Variants in HPS3 observed in about 807,000 individuals in gnomAD.
HPS3 encodes HPS3 biogenesis of lysosomal organelles complex 2 subunit 1.
A neutral mutation model predicts 110.9 loss-of-function variants in HPS3; 79 were observed. That is an observed-to-expected ratio of 0.71 (90% CI 0.59 to 0.86). The LOEUF (loss-of-function observed/expected upper bound fraction) is 0.86, where lower values mean the gene tolerates loss of function less well. Ranked by LOEUF, HPS3 falls within the 40% of genes least tolerant of loss-of-function variation. HPS3 has a pLI of 0.00. For missense variants in HPS3, 1,197 were observed against 1,206.2 expected (o/e 0.99, Z 0.11); for synonymous variants, 428 against 451.0 (o/e 0.95, Z 0.65).
intron 1 of HPS3, among the ~76,000 whole-genome samples, chr3:149,137,598 TAAATA>T (rs1488533479): frequency 6.6e-6 from 1 of 152,192 alleles, no homozygotes; most frequent in African/African-American, 2.4e-5. Context: ...AGTAAATGAG[TAAATA>T]AAATATATTG....
intron 11 of HPS3, among the ~76,000 whole-genome samples, chr3:149,161,823 T>C (rs1427409662): frequency 1.3e-5 from 2 of 152,184 alleles, no homozygotes; most frequent in South Asian, 4.1e-4. Context: ...CCGAATATTT[T>C]TGATCTGTGG....
chr3:149,157,311 C>G (rs1263203556), intron 8 of HPS3, 39 bp from the exon 9 acceptor site: 1 of 1,557,806 alleles, frequency 6.4e-7, no homozygotes, highest in Non-Finnish European at 8.8e-7. Context: ...TTTTGAGAGT[C>G]TCTCTTCAGC....
At position 149,140,411 on chromosome 3, in the gene HPS3, G is replaced by T; in HGVS notation, c.625G>T (p.Val209Leu). Reference protein sequence around the residue: ...AVMSDLEVLIVKLESGPKNGE... With the variant: ...AVMSDLEVLILKLESGPKNGE... ...CATGTCAGACTTAGAAGTCTTAATC[G>T]TAAAACTGGAGTCAGGCCCTAAAAA... The change falls in exon 2 of 17, where the codon GTA becomes TTA. Residue 209 changes from valine (V) to leucine (L), a missense_variant. Coordinates refer to ENST00000296051, the MANE Select transcript of HPS3 (RefSeq NM_032383.5). The T allele has an allele frequency of 6.2e-7, 1 of 1,611,354 alleles. No individual in the cohort carries two copies. Among genetic ancestry groups the T allele is most frequent in the Non-Finnish European group, 8.5e-7 (1 of 1,178,866 alleles).
Position 149,140,347 on chromosome 3 carries a change from T to C in HPS3, c.561T>C (p.Thr187=), listed in dbSNP as rs1722365265. 1.2e-6 allele frequency: 2 copies of C among 1,611,724 alleles called. No homozygotes were observed. The highest frequency in any genetic ancestry group is 8.5e-7 in the Non-Finnish European group (1 of 1,178,440). ...RSLIIHIDNI[T]PVEVSFCVGY... ...TAATTATACACATAGATAATATCAC[T>C]CCTGTTGAGGTTTCTTTTTGTGTTG... is the stretch of plus-strand genomic sequence containing the variant. Residue 187 remains threonine (T), a synonymous_variant, in exon 2 of 17, where the codon ACT becomes ACC. Coordinates refer to ENST00000296051, the MANE Select transcript of HPS3 (RefSeq NM_032383.5).
At position 149,153,572 on chromosome 3, in the gene HPS3, A is replaced by G. The variant is rs1723265256; in HGVS notation, c.1324A>G (p.Lys442Glu). 5.6e-6 allele frequency: 9 copies of G among 1,614,120 alleles called. No homozygotes were observed. The highest frequency in any genetic ancestry group is 7.6e-6 in the Non-Finnish European group (9 of 1,179,940). Residue 442 changes from lysine (K) to glutamate (E), a missense_variant, in exon 7 of 17, where the codon AAA becomes GAA. Coordinates refer to ENST00000296051, the MANE Select transcript of HPS3 (RefSeq NM_032383.5). ...FIGLKAICHF[K>E]NHIILLTKAE... ...AGGCTTGAAAGCCATCTGTCACTTT[A>G]AAAACCACATCATACTTTTGACTAA...
chr3:149,137,867 AAGTT>A (rs1321027990), intron 1 of HPS3, among the ~76,000 whole-genome samples: 2 of 152,194 alleles, frequency 1.3e-5, no homozygotes, highest in African/African-American at 2.4e-5. Flanking sequence ...GTAGATGAAA[AAGTT>A]AGTTATAGAG....
At chr3:149,142,074 TCC>T (rs1246787556) in intron 4 of HPS3, among the ~76,000 whole-genome samples, 1 of 151,250 alleles carries the variant, frequency 6.6e-6, no homozygotes, top group Non-Finnish European at 1.5e-5. Flanking sequence ...GGTCTCGAAC[TCC>T]CGACCTCATT....
At chr3:149,148,737 C>T (rs2108143658) in intron 5 of HPS3, among the ~76,000 whole-genome samples, 1 of 151,788 alleles carries the variant, frequency 6.6e-6, no homozygotes, top group East Asian at 1.9e-4. Flanking sequence ...TTTTACAATG[C>T]ATGTACTACT....
intron 14 of HPS3, among the ~76,000 whole-genome samples, chr3:149,166,302 A>G (rs1196660853): frequency 6.6e-6 from 1 of 152,194 alleles, no homozygotes; most frequent in Non-Finnish European, 1.5e-5. Context: ...ATTAAGTGTT[A>G]AATTTTATTT....
rs1337661796 is a variant in HPS3, at chr3:149,167,123, C to G, written c.2679C>G (p.Val893=). 2.5e-6 allele frequency: 4 copies of G among 1,613,754 alleles called. No individual in the cohort carries two copies. Among genetic ancestry groups the G allele is most frequent in the Non-Finnish European group, 3.4e-6 (4 of 1,179,760 alleles). Residue 893 remains valine (V), a synonymous_variant, in exon 15 of 17, where the codon GTC becomes GTG. Coordinates refer to ENST00000296051, the MANE Select transcript of HPS3 (RefSeq NM_032383.5). ...AAGACACTATTGCCGGCCTCAGTGT[C>G]CATGTTCTGTGTCGTACACGCTTGA... ...LSEDTIAGLS[V]HVLCRTRLKE... is the part of the protein sequence containing the mutation.
At chr3:149,141,437 G>A (rs1474008145) in intron 4 of HPS3, 57 bp downstream of exon 4, 1 of 1,407,954 alleles carries the variant, frequency 7.1e-7, no homozygotes, top group Non-Finnish European at 1.0e-6. Context: ...GCTCTGTCTG[G>A]GCTGGGAGTG....
In HPS3 at chr3:149,172,233, T is replaced by C. The variant is rs2108199278; in HGVS notation, c.*11T>C. On this transcript the variant is annotated 3_prime_UTR_variant, in exon 17 of 17. Coordinates refer to ENST00000296051, the MANE Select transcript of HPS3 (RefSeq NM_032383.5). ...AAACCATTGACTTAAAGGTATCATTTGAAAAATACCATAATGGCATTTGAG... is the reference window on the plus strand; with the variant it reads ...AAACCATTGACTTAAAGGTATCATTCGAAAAATACCATAATGGCATTTGAG... 1 of 1,611,130 alleles carries C rather than the reference T, an allele frequency of 6.2e-7. No individual in the cohort carries two copies. Among genetic ancestry groups the C allele is most frequent in the Admixed American group, 1.7e-5 (1 of 59,948 alleles).
rs1722375189 is a variant in HPS3 at position 149,140,470 on chromosome 3, C to G, written c.684C>G (p.Thr228=). 1.2e-6 allele frequency: 2 copies of G among 1,613,942 alleles called. No individual in the cohort carries two copies. Among genetic ancestry groups the G allele is most frequent in the African/African-American group, 2.7e-5 (2 of 75,008 alleles). ...GAGTTCACCACCATCCACATAAGAC[C>G]AACAATCGAATAAGACGGACAGAAG... ...GERVHHHPHK[T]NNRIRRTEEG... Residue 228 remains threonine, a synonymous_variant, in exon 2 of 17, where the codon ACC becomes ACG. Transcript: ENST00000296051.
In HPS3 at chr3:149,145,414, G is replaced by T. The variant is rs966713954; in HGVS notation, c.1031G>T (p.Cys344Phe). 2.5e-6 allele frequency: 4 copies of T among 1,613,854 alleles called. No homozygotes were observed. The Admixed American group carries it at 5.0e-5, about 20-fold the overall frequency. The change falls in exon 5 of 17, where the codon TGC becomes TTC. Residue 344 changes from cysteine to phenylalanine, a missense_variant. Coordinates refer to ENST00000296051, the MANE Select transcript of HPS3 (RefSeq NM_032383.5). ...GAAAAAGAATTGCTGAGTCTCTTTTGCTTTTTCTCCTTACCTCATGTGGGC... is the reference window on the plus strand; with the variant it reads ...GAAAAAGAATTGCTGAGTCTCTTTTTCTTTTTCTCCTTACCTCATGTGGGC... ...SQEKELLSLF[C>F]FFSLPHVGYL... is the part of the protein sequence containing the mutation.
Position 149,137,035 on chromosome 3 carries a change from A to G in HPS3, c.218-2969A>G, listed in dbSNP as rs1056700597. Among the ~76,000 whole-genome samples, 95 of 152,312 alleles carry G rather than the reference A, an allele frequency of 6.2e-4. 1 individual carries two copies. The highest frequency in any genetic ancestry group is 2.1e-3 in the African/African-American group (87 of 41,582). ...GACTCATCAACAGATTGAAAAGACAACATGGAATGGGAGAAAATATTTCCG... is the reference window on the plus strand; with the variant it reads ...GACTCATCAACAGATTGAAAAGACAGCATGGAATGGGAGAAAATATTTCCG... On this transcript the variant is annotated intron_variant, in intron 1 of 16. Coordinates refer to ENST00000296051, the MANE Select transcript of HPS3 (RefSeq NM_032383.5).
chr3:149,164,025 A>G, intron 14 of HPS3, 76 bp downstream of exon 14: 1 of 762,854 alleles, frequency 1.3e-6, no homozygotes, highest in Non-Finnish European at 2.3e-6. Context: ...CTGAGACCCC[A>G]GGTGTCCTGT....
chr3:149,148,164 C>T (rs899149003), intron 5 of HPS3, among the ~76,000 whole-genome samples: 3 of 151,936 alleles, frequency 2.0e-5, no homozygotes, highest in East Asian at 1.9e-4. Context: ...TGAGCTACTG[C>T]GCCCGGCCCA....
chr3:149,140,405 T>G lies in HPS3; in HGVS notation c.619T>G (p.Leu207Val). 2 of 1,611,480 alleles carry G rather than the reference T, an allele frequency of 1.2e-6. No homozygotes were observed. The highest frequency in any genetic ancestry group is 1.7e-6 in the Non-Finnish European group (2 of 1,178,810). ...YVAVMSDLEV[L>V]IVKLESGPKN... ...TGCTGTCATGTCAGACTTAGAAGTC[T>G]TAATCGTAAAACTGGAGTCAGGCCC... Residue 207 changes from leucine (L) to valine (V), a missense_variant, in exon 2 of 17, where the codon TTA becomes GTA. Leu to Val is a conservative substitution (Grantham distance 32). Transcript: ENST00000296051.
chr3:149,130,016 C>T (rs1033259830), intron 1 of HPS3, 76 bp downstream of exon 1: 101 of 1,365,194 alleles, frequency 7.4e-5, no homozygotes, highest in Admixed American at 2.0e-5. Context: ...AACGTCTGGG[C>T]TGTAGCTCTA....
Sources: gnomAD v4.1 joint callset for allele counts (sites outside exome capture counted in the v4.1 genomes callset) on GRCh38, gnomAD v4.1.1 for gene constraint, MANE v1.5 for transcripts, NCBI Gene and HGNC (gene_info 2026-07-23, HGNC 2026-07-21) for gene names.